The following ELAPOR2 variants were observed in gnomAD, a reference collection of about 807,000 sequenced individuals.
ELAPOR2 encodes endosome-lysosome associated apoptosis and autophagy regulator family member 2.
A neutral mutation model predicts 120.7 loss-of-function variants in ELAPOR2; 89 were observed. The observed-to-expected ratio is 0.74, with a 90% CI of 0.62 to 0.88. The LOEUF is 0.88. ELAPOR2 is among the 40% of genes least tolerant of loss of function. ELAPOR2 has a pLI of 0.00. For synonymous variants in ELAPOR2, 444 were observed against 444.9 expected (o/e 1.00, Z 0.03); for missense variants, 1,134 against 1,251.6 (o/e 0.91, Z 1.42).
intron 2 of ELAPOR2, among the ~76,000 whole-genome samples, chr7:86,962,515 C>T (rs1298471949): frequency 6.6e-6 from 1 of 152,162 alleles, no homozygotes; most frequent in Non-Finnish European, 1.5e-5. Context: ...TTATGGAGAC[C>T]TGGAAGCTTC....
intron 1 of ELAPOR2, among the ~76,000 whole-genome samples, chr7:87,046,732 A>G (rs1794968980): frequency 6.6e-6 from 1 of 152,160 alleles, no homozygotes; most frequent in Non-Finnish European, 1.5e-5. Flanking sequence ...TTGTGAAGGT[A>G]TGTGCTTCCC....
At chr7:86,945,908 T>G (rs1481737321) in intron 3 of ELAPOR2, among the ~76,000 whole-genome samples, 3 of 152,004 alleles carry the variant, frequency 2.0e-5, no homozygotes, top group Non-Finnish European at 2.9e-5. Flanking sequence ...TACACACACA[T>G]GGAGACGTGT....
Position 87,059,506 on chromosome 7 carries a change from A to G in ELAPOR2, c.8T>C (p.Phe3Ser). 1 of 1,200,230 alleles carries G rather than the reference A, an allele frequency of 8.3e-7. No individual in the cohort carries two copies. Among genetic ancestry groups the G allele is most frequent in the Non-Finnish European group, 1.0e-6 (1 of 967,138 alleles). The allele number at this position is 1,200,230 out of a possible 1,614,324, so 74.3% of individuals were successfully genotyped here. Reference sequence around the variant, plus strand: ...GCCCCGTACCGGCCCCCGGGCGCGGAACAGCATCTTCGTCCGGCCGCGGTC... The same window carrying G: ...GCCCCGTACCGGCCCCCGGGCGCGGGACAGCATCTTCGTCCGGCCGCGGTC... ML[F>S]RARGPVRGRG... The change falls in exon 1 of 22, where the codon TTC (phenylalanine) becomes TCC (serine). Residue 3 changes from phenylalanine to serine, a missense_variant. Phe to Ser is a radical substitution (Grantham distance 155). Around this residue, in one of 3 missense-constraint regions of ELAPOR2, gnomAD observed 280 missense variants for 331.5 expected, o/e 0.84. Transcript: ENST00000450689.
chr7:86,937,878 A>G (rs1412715666), intron 8 of ELAPOR2, among the ~76,000 whole-genome samples: 1 of 152,068 alleles, frequency 6.6e-6, no homozygotes, highest in African/African-American at 2.4e-5. Context: ...GTAGGTGCCA[A>G]TATCATCCAT....
chr7:87,022,899 A>G (rs999028006), intron 1 of ELAPOR2, among the ~76,000 whole-genome samples: 1 of 151,740 alleles, frequency 6.6e-6, no homozygotes, highest in Non-Finnish European at 1.5e-5. Context: ...GTCTGTTCAT[A>G]TCCTTTGCCC....
intron 2 of ELAPOR2, among the ~76,000 whole-genome samples, chr7:86,959,743 C>T (rs1241627172): frequency 6.6e-6 from 1 of 152,152 alleles, no homozygotes; most frequent in Non-Finnish European, 1.5e-5. Flanking sequence ...CTCTAATCTT[C>T]ATTATTTCCT....
chr7:86,982,089 C>A (rs1212134596), intron 1 of ELAPOR2, among the ~76,000 whole-genome samples: 3 of 152,226 alleles, frequency 2.0e-5, no homozygotes, highest in African/African-American at 7.2e-5. Flanking sequence ...AACTGCGAGG[C>A]GGCAGCCTGG....
At chr7:87,014,018 T>C (rs1307774513) in intron 1 of ELAPOR2, among the ~76,000 whole-genome samples, 1 of 147,354 alleles carries the variant, frequency 6.8e-6, no homozygotes, top group Non-Finnish European at 1.5e-5. Context: ...TTTCGTGCCA[T>C]GTTTTTCACT....
chr7:86,905,375 C>T (rs1357117436), intron 18 of ELAPOR2, among the ~76,000 whole-genome samples: 1 of 151,404 alleles, frequency 6.6e-6, no homozygotes, highest in African/African-American at 2.4e-5. Context: ...AGGAAAGCTG[C>T]TGTTTCTCGT....
chr7:86,911,989 T>A, intron 15 of ELAPOR2, 83 bp downstream of exon 15: 1 of 1,331,918 alleles, frequency 7.5e-7, no homozygotes, highest in Non-Finnish European at 1.1e-6. Flanking sequence ...CCATAGAGAA[T>A]TTATTGGTCC....
chr7:86,973,145 G>A (rs1454088834), intron 1 of ELAPOR2, among the ~76,000 whole-genome samples: 1 of 152,088 alleles, frequency 6.6e-6, no homozygotes, highest in Non-Finnish European at 1.5e-5. Context: ...TCCACAGCCA[G>A]TTCTAAATGG....
chr7:87,002,742 C>T (rs1260118253), intron 1 of ELAPOR2, among the ~76,000 whole-genome samples: 1 of 152,116 alleles, frequency 6.6e-6, no homozygotes, highest in Non-Finnish European at 1.5e-5. Flanking sequence ...CAGGAAATTA[C>T]AGCCCCTCAC....
rs1395050797 is a variant in ELAPOR2 at position 86,919,252 on chromosome 7, G to A, written c.1458C>T (p.Tyr486=). The change falls in exon 11 of 22, where the codon TAC becomes TAT. Residue 486 remains tyrosine (Y), a synonymous_variant. Transcript: ENST00000450689. ...CTGGGATATGCAAGTTTAAGATCAGGTAATCATTGTCAGAACCTCCAGCCC... is the reference window on the plus strand; with the variant it reads ...CTGGGATATGCAAGTTTAAGATCAGATAATCATTGTCAGAACCTCCAGCCC... ...QSGAGGSDND[Y]LILNLHIPGF... The A allele has an allele frequency of 6.2e-7, 1 of 1,611,828 alleles. No homozygotes were observed. The highest frequency in any genetic ancestry group is 8.5e-7 in the Non-Finnish European group (1 of 1,178,672).
chr7:86,973,781 G>C (rs1351747298), intron 1 of ELAPOR2, among the ~76,000 whole-genome samples: 3 of 152,174 alleles, frequency 2.0e-5, no homozygotes, highest in Non-Finnish European at 4.4e-5. Context: ...GGTGGCCACA[G>C]CTCCTTGGCC....
At chr7:86,888,593 A>G (rs1312712383) in intron 21 of ELAPOR2, among the ~76,000 whole-genome samples, 1 of 152,110 alleles carries the variant, frequency 6.6e-6, no homozygotes. Context: ...AATTTATCCA[A>G]AAGAGCAGGA....
intron 1 of ELAPOR2, among the ~76,000 whole-genome samples, chr7:86,997,485 T>A (rs181317411): frequency 9.8e-5 from 15 of 152,306 alleles, no homozygotes; most frequent in Admixed American, 2.0e-4. Context: ...ATTAAAACAT[T>A]AGTAATATTA....
intron 2 of ELAPOR2, among the ~76,000 whole-genome samples, chr7:86,957,730 T>C (rs186358618): frequency 6.6e-6 from 1 of 152,260 alleles, no homozygotes; most frequent in African/African-American, 2.4e-5. Context: ...CCAGGTATGA[T>C]GTTAGGTACG....
intron 18 of ELAPOR2, among the ~76,000 whole-genome samples, chr7:86,900,803 T>C (rs1388782751): frequency 6.6e-6 from 1 of 151,988 alleles, no homozygotes; most frequent in Non-Finnish European, 1.5e-5. Context: ...CAATAATAAT[T>C]TGAACAGCAC....
chr7:86,880,263 C>G lies in ELAPOR2; in HGVS notation c.*208G>C. On this transcript the variant is annotated 3_prime_UTR_variant, in exon 22 of 22. Coordinates refer to ENST00000450689, the MANE Select transcript of ELAPOR2 (RefSeq NM_001142749.3). ...TTGAGCTTCATCTTCAGTTGAGACCCAAATCATTTGCTTTCCTTTATTTGG... is the reference window on the plus strand; with the variant it reads ...TTGAGCTTCATCTTCAGTTGAGACCGAAATCATTTGCTTTCCTTTATTTGG... 3.4e-6 allele frequency: 2 copies of G among 581,374 alleles called. No individual in the cohort carries two copies. Among genetic ancestry groups the G allele is most frequent in the Non-Finnish European group, 6.1e-6 (2 of 329,716 alleles). The allele number at this position is 581,374 out of a possible 1,614,324, so 36.0% of individuals were successfully genotyped here. A position where few individuals can be genotyped will look rare whatever the true frequency, so the allele number is the denominator to read the frequency against.
Sources: allele counts gnomAD v4.1 joint callset (sites outside exome capture counted in the v4.1 genomes callset), GRCh38; gene constraint gnomAD v4.1.1; regional missense constraint gnomAD v4.1.1; transcripts MANE v1.5; gene names NCBI Gene and HGNC (gene_info 2026-07-23, HGNC 2026-07-21).